COL4A3: variants seen among roughly 807,000 people sequenced by gnomAD.
The protein encoded by COL4A3 is collagen type IV alpha 3 chain.
A neutral mutation model predicts 217.4 loss-of-function variants in COL4A3; 135 were observed. That is an observed-to-expected ratio of 0.62 (90% CI 0.54 to 0.72). The LOEUF is 0.72. Ranked by LOEUF, COL4A3 falls within the 30% of genes least tolerant of loss-of-function variation. The probability of loss-of-function intolerance (pLI) is 0.00; values close to 1 mark genes in which losing one functional copy is unlikely to be tolerated. For synonymous variants in COL4A3, 690 were observed against 736.3 expected, an observed-to-expected ratio of 0.94 and a Z score of 1.02; for missense variants, 1,868 against 2,119.9, an observed-to-expected ratio of 0.88 and a Z score of 2.33.
chr2:227,176,459 C>G (rs1170027128), intron 1 of COL4A3, among the ~76,000 whole-genome samples: 1 of 152,092 alleles, frequency 6.6e-6, no homozygotes, highest in Non-Finnish European at 1.5e-5. Flanking sequence ...AACTCGTAAC[C>G]TTCAGAGCCA....
rs56226424 is a variant in COL4A3 at position 227,282,377 on chromosome 2, A to G, written c.2501A>G (p.Lys834Arg). 0.015 allele frequency: 24,663 copies of G among 1,613,086 alleles called. 231 individuals are homozygous for G. Among genetic ancestry groups the G allele is most frequent in the Non-Finnish European group, 0.018 (21,809 of 1,179,602 alleles). ...GLKGQQGRRG[K>R]TGPKGDPGIP... Reference sequence around the variant, plus strand: ...TATTCGTACACAGGCAGAAGAGGTAAAACGGGGCCAAAGGGAGACCCAGGA... The same window carrying G: ...TATTCGTACACAGGCAGAAGAGGTAGAACGGGGCCAAAGGGAGACCCAGGA... The change falls in exon 32 of 52, where the codon AAA becomes AGA. Residue 834 changes from lysine (K) to arginine (R), a missense_variant. Transcript: ENST00000396578. The surrounding 1 kb of genome is among the most constrained non-coding windows in gnomAD (Gnocchi z 4.4).
intron 37 of COL4A3, among the ~76,000 whole-genome samples, chr2:227,291,583 A>C (rs1283844258): frequency 1.2e-4 from 3 of 25,448 alleles, no homozygotes; most frequent in African/African-American, 2.5e-4. Flanking sequence ...AAAAAAACAA[A>C]AAAAAAAAAC....
chr2:227,293,291 G>C lies in COL4A3; in HGVS notation c.3311G>C (p.Gly1104Ala). The C allele has an allele frequency of 2.5e-6, 4 of 1,613,620 alleles. No individual in the cohort carries two copies. The highest frequency in any genetic ancestry group is 1.7e-4 in the Middle Eastern group (1 of 5,758). The change falls in exon 38 of 52, where the codon GGA becomes GCA. Residue 1104 changes from glycine (G) to alanine (A), a missense_variant. By Grantham distance (60) the Gly-to-Ala change is moderately conservative. Around this residue, in one of 2 missense-constraint regions of COL4A3, gnomAD observed 1,503 missense variants for 1,786.1 expected, o/e 0.84. Transcript: ENST00000396578. ...CCTGCTGGACCTGAGGGAGCCCCTG[G>C]AAGTCCTGGAAGTCCTGGCCTCCCA... ...LGPAGPEGAP[G>A]SPGSPGLPGK...
At chr2:227,169,526 A>G (rs1181990240) in intron 1 of COL4A3, among the ~76,000 whole-genome samples, 2 of 151,648 alleles carry the variant, frequency 1.3e-5, no homozygotes, top group Non-Finnish European at 2.9e-5. Context: ...AAGTGTTCCT[A>G]TTTCTCCACA....
chr2:227,259,936 G>A (rs1343797760), intron 19 of COL4A3, 59 bp downstream of exon 19: 1 of 1,204,530 alleles, frequency 8.3e-7, no homozygotes, highest in Admixed American at 1.7e-5. Flanking sequence ...TTCTTTCAAG[G>A]TAATAAATAG....
In COL4A3 at chr2:227,260,133, TGGAG is replaced by T; in HGVS notation, c.1114+259_1114+262del. On this transcript the variant is annotated intron_variant, in intron 19 of 51. Transcript: ENST00000396578. ...TCAAATCTGTCATGGAAACATTTGCTGGAGGGCAGGAGGAGGGAGTGCAAGGCAT... is the reference window on the plus strand; with the variant it reads ...TCAAATCTGTCATGGAAACATTTGCTGGCAGGAGGAGGGAGTGCAAGGCAT... 4.7e-6 allele frequency: 3 copies of T among 636,000 alleles called. No individual in the cohort carries two copies. The Admixed American group carries it at 5.7e-5, about 12-fold the overall frequency. The allele number at this position is 636,000 out of a possible 1,614,324, so 39.4% of individuals were successfully genotyped here. A position where few individuals can be genotyped will look rare whatever the true frequency, so the allele number is the denominator to read the frequency against.
intron 21 of COL4A3, chr2:227,266,048 C>T: frequency 4.0e-6 from 1 of 247,788 alleles, no homozygotes; most frequent in Non-Finnish European, 7.9e-6. Context: ...TTACCTCCCA[C>T]CAGGTCCCTT....
chr2:227,229,556 GAAGA>G (rs1271479832), intron 1 of COL4A3, among the ~76,000 whole-genome samples: 1 of 152,186 alleles, frequency 6.6e-6, no homozygotes, highest in Non-Finnish European at 1.5e-5. Flanking sequence ...CAGACTGATG[GAAGA>G]AAGGATCAAA....
At chr2:227,284,391 A>C in intron 34 of COL4A3, 46 bp downstream of exon 34, 1 of 1,590,778 alleles carries the variant, frequency 6.3e-7, no homozygotes. Context: ...GCTGATTCTC[A>C]GGCTAATAAA....
chr2:227,268,285 T>C (rs12464886), intron 23 of COL4A3: 116,082 of 152,222 alleles, frequency 0.76, 44,382 homozygotes, highest in East Asian at 0.85. Flanking sequence ...ATGAGGAAGC[T>C]GAGGCATCAG....
chr2:227,247,413 G>A, intron 7 of COL4A3, 145 bp from the exon 8 acceptor site: 1 of 789,826 alleles, frequency 1.3e-6, no homozygotes, highest in Non-Finnish European at 2.3e-6. Flanking sequence ...GGAAGTAAAA[G>A]ATTAAGGGAA....
intron 1 of COL4A3, among the ~76,000 whole-genome samples, chr2:227,206,669 C>A (rs1310629766): frequency 2.6e-5 from 4 of 151,588 alleles, no homozygotes; most frequent in African/African-American, 9.7e-5. Context: ...TGCCCCAGAC[C>A]TAATGAGTCC....
intron 1 of COL4A3, among the ~76,000 whole-genome samples, chr2:227,202,571 C>T (rs949252475): frequency 6.6e-6 from 1 of 150,548 alleles, no homozygotes; most frequent in African/African-American, 2.4e-5. Flanking sequence ...GGTGAAACCC[C>T]GTCTCTACAA....
Position 227,270,780 on chromosome 2 carries a change from G to A in COL4A3, c.1586G>A (p.Gly529Asp). Residue 529 changes from glycine (G) to aspartate (D), a missense_variant, in exon 25 of 52, where the codon GGT becomes GAT. Coordinates refer to ENST00000396578, the MANE Select transcript of COL4A3 (RefSeq NM_000091.5). The part of the protein sequence containing the change: ...TGLPGFPGFP[G>D]AQGDPGLKGE... Reference sequence around the variant, plus strand: ...TGTGTACTACCCTAGGGTTTCCCAGGTGCCCAGGGTGACCCAGGACTTAAA... The same window carrying A: ...TGTGTACTACCCTAGGGTTTCCCAGATGCCCAGGGTGACCCAGGACTTAAA... 6.2e-7 allele frequency: 1 copy of A among 1,614,014 alleles called. No individual in the cohort carries two copies. Among genetic ancestry groups the A allele is most frequent in the Admixed American group, 1.7e-5 (1 of 60,006 alleles).
chr2:227,304,358 G>A (rs2073415432), intron 46 of COL4A3: 1 of 590,018 alleles, frequency 1.7e-6, no homozygotes, highest in East Asian at 3.0e-5. Context: ...AGTATAACTT[G>A]AACAAATACA....
chr2:227,295,947 G>A (rs1384814830), intron 41 of COL4A3, among the ~76,000 whole-genome samples: 1 of 152,102 alleles, frequency 6.6e-6, no homozygotes, highest in African/African-American at 2.4e-5. Flanking sequence ...AACCTTCCAG[G>A]AGAAACATCA....
chr2:227,264,106 A>G (rs1267199537), intron 21 of COL4A3, among the ~76,000 whole-genome samples, 162 bp downstream of exon 21: 1 of 152,232 alleles, frequency 6.6e-6, no homozygotes, highest in Non-Finnish European at 1.5e-5. Flanking sequence ...TGTGAAAGAA[A>G]CTGATGCAAT....
chr2:227,251,679 TTGTAG>T (rs1170323031), intron 11 of COL4A3, among the ~76,000 whole-genome samples: 1 of 152,180 alleles, frequency 6.6e-6, no homozygotes, highest in Non-Finnish European at 1.5e-5. Context: ...CTCTGAGTTT[TTGTAG>T]TGTGCTGCTT....
intron 1 of COL4A3, among the ~76,000 whole-genome samples, chr2:227,198,185 C>T (rs1189996374): frequency 6.6e-6 from 1 of 152,176 alleles, no homozygotes; most frequent in East Asian, 1.9e-4. Context: ...TGTGGGTCAT[C>T]TTCTGTAAGT....
Sources: gnomAD v4.1 joint callset for allele counts (sites outside exome capture counted in the v4.1 genomes callset) on GRCh38, gnomAD v4.1.1 for gene constraint, gnomAD v4.1.1 regional missense constraint, Gnocchi (gnomAD v3.1) non-coding constraint, MANE v1.5 for transcripts, NCBI Gene and HGNC (gene_info 2026-07-23, HGNC 2026-07-21) for gene names.